Variants in EFNA1 observed in about 807,000 individuals in gnomAD.
EFNA1 encodes the protein ephrin-A1.
EFNA1 carries 8 observed loss-of-function variants against 23.2 expected under a neutral mutation model. That is an observed-to-expected ratio of 0.34 (90% CI 0.20 to 0.62). The LOEUF is 0.62. Ranked by LOEUF, EFNA1 falls within the 20% of genes least tolerant of loss-of-function variation. The probability of loss-of-function intolerance (pLI) is 0.75; values close to 1 mark genes in which losing one functional copy is unlikely to be tolerated. For missense variants in EFNA1, 217 were observed against 260.0 expected (o/e 0.83, Z 1.14); for synonymous variants, 89 against 98.6 (o/e 0.90, Z 0.58).
In EFNA1 at chr1:155,133,784, G is replaced by C; in HGVS notation, c.505+4G>C. On this transcript the variant is annotated splice_donor_region_variant and intron_variant, in intron 4 of 4. Coordinates refer to ENST00000368407, the MANE Select transcript of EFNA1 (RefSeq NM_004428.3). The stretch of plus-strand genomic sequence containing the variant: ...CAGGAGAAGAGACTTGCAGCAGGTG[G>C]GTAGCTGGAGCAAACTGGGCCTGGG... The C allele has an allele frequency of 6.2e-7, 1 of 1,614,108 alleles. No individual in the cohort carries two copies. The highest frequency in any genetic ancestry group is 8.5e-7 in the Non-Finnish European group (1 of 1,180,010).
intron 1 of EFNA1, among the ~76,000 whole-genome samples, chr1:155,128,846 G>A (rs1440818782): frequency 1.3e-5 from 2 of 152,146 alleles, no homozygotes; most frequent in Non-Finnish European, 2.9e-5. Context: ...AGACTCTGTC[G>A]GCCCCTTTGT....
chr1:155,133,835 G>A (rs1480745294), intron 4 of EFNA1, 55 bp downstream of exon 4: 17 of 1,610,942 alleles, frequency 1.1e-5, no homozygotes, highest in Admixed American at 1.7e-5. Flanking sequence ...TGCTTGAAGA[G>A]GTTGGGTACA....
intron 2 of EFNA1, among the ~76,000 whole-genome samples, chr1:155,132,665 T>TA (rs1425212465): frequency 2.6e-5 from 4 of 151,326 alleles, no homozygotes; most frequent in African/African-American, 9.7e-5. Flanking sequence ...CCAACTCTAC[T>TA]AAAAAAATAC....
chr1:155,131,139 T>C, intron 1 of EFNA1, 200 bp from the exon 2 acceptor site: 1 of 1,363,710 alleles, frequency 7.3e-7, no homozygotes, highest in Admixed American at 3.0e-5. Context: ...CAGGAGACAG[T>C]GATGGTGCAG....
chr1:155,128,988 C>T (rs899108785), intron 1 of EFNA1, among the ~76,000 whole-genome samples: 1 of 152,110 alleles, frequency 6.6e-6, no homozygotes, highest in Non-Finnish European at 1.5e-5. Flanking sequence ...TAGCCACTCT[C>T]GGCCCTAGCA....
intron 2 of EFNA1, among the ~76,000 whole-genome samples, chr1:155,132,910 G>GTT (rs1220464097): frequency 9.6e-6 from 1 of 104,408 alleles, no homozygotes; most frequent in Admixed American, 1.1e-4. Context: ...AGTAGTTTTT[G>GTT]TTTTTTTGTT....
chr1:155,134,349 C>G lies in EFNA1; in HGVS notation c.*282C>G. ...CATTCCTGCCTTTAAGCCAAAGAAA[C>G]AAGCTGTGCAGGCATGGTCCCTTAA... is the stretch of plus-strand genomic sequence containing the variant. On this transcript the variant is annotated 3_prime_UTR_variant, in exon 5 of 5. Coordinates refer to ENST00000368407, the MANE Select transcript of EFNA1 (RefSeq NM_004428.3). 1 of 483,080 alleles carries G rather than the reference C, an allele frequency of 2.1e-6. No individual in the cohort carries two copies. Among genetic ancestry groups the G allele is most frequent in the East Asian group, 4.1e-5 (1 of 24,636 alleles). The allele number at this position is 483,080 out of a possible 1,614,324, so 29.9% of individuals were successfully genotyped here. A position where few individuals can be genotyped will look rare whatever the true frequency, so the allele number is the denominator to read the frequency against.
chr1:155,131,736 C>A (rs1030687402), intron 2 of EFNA1, 102 bp downstream of exon 2: 21 of 1,285,584 alleles, frequency 1.6e-5, no homozygotes, highest in Non-Finnish European at 2.0e-5. Flanking sequence ...GGGCCCCTTC[C>A]GATCTTGAAT....
intron 2 of EFNA1, among the ~76,000 whole-genome samples, chr1:155,133,059 T>G (rs1476946657): frequency 3.9e-5 from 6 of 152,060 alleles, no homozygotes. Flanking sequence ...TACAGGCATG[T>G]GCCACCATGC....
Position 155,134,703 on chromosome 1 carries a change from C to T in EFNA1, c.*636C>T. On this transcript the variant is annotated 3_prime_UTR_variant, in exon 5 of 5. Coordinates refer to ENST00000368407, the MANE Select transcript of EFNA1 (RefSeq NM_004428.3). ...AGAGTGTAGCTGTAAGGGCAGTGCC[C>T]ATGTGTACATTCTGCCTAGAGTGTA... 6.1e-6 allele frequency: 1 copy of T among 164,080 alleles called. No homozygotes were observed. Among genetic ancestry groups the T allele is most frequent in the South Asian group, 1.4e-4 (1 of 6,900 alleles). 10.2% of individuals were successfully genotyped at this position (164,080 alleles called of 1,614,324 possible).
intron 2 of EFNA1, 114 bp from the exon 3 acceptor site, chr1:155,133,389 G>A: frequency 8.4e-7 from 1 of 1,187,092 alleles, no homozygotes; most frequent in Non-Finnish European, 1.2e-6. Context: ...AGGTTAGAGG[G>A]AAGAGAAGAA....
Position 155,133,584 on chromosome 1 carries a change from C to T in EFNA1, c.454+16C>T. 6.2e-7 allele frequency: 1 copy of T among 1,613,770 alleles called. No individual in the cohort carries two copies. The highest frequency in any genetic ancestry group is 8.5e-7 in the Non-Finnish European group (1 of 1,179,866). On this transcript the variant is annotated intron_variant, in intron 3 of 4. Coordinates refer to ENST00000368407, the MANE Select transcript of EFNA1 (RefSeq NM_004428.3). ...GGCAAAATCAGTGAGTGTCAGAGCC[C>T]TGTGGGCCTCCTTCCTCCATCTCTA... is the stretch of plus-strand genomic sequence containing the variant.
chr1:155,130,479 G>GGAGAGGGGGA, intron 1 of EFNA1: 1 of 977,594 alleles, frequency 1.0e-6, no homozygotes, highest in Non-Finnish European at 1.2e-6. Flanking sequence ...GGAGAGGAGG[G>GGAGAGGGGGA]GAGAGGGGGA....
intron 1 of EFNA1, among the ~76,000 whole-genome samples, 169 bp downstream of exon 1, chr1:155,128,238 C>T (rs1483259546): frequency 6.6e-6 from 1 of 152,190 alleles, no homozygotes; most frequent in Non-Finnish European, 1.5e-5. Flanking sequence ...GAGCACCCCA[C>T]CCCGGGGCAT....
chr1:155,131,683 A>ATACATGCTTGGG, intron 2 of EFNA1, 49 bp downstream of exon 2: 1 of 1,578,876 alleles, frequency 6.3e-7, no homozygotes, highest in Non-Finnish European at 8.6e-7. Context: ...TTGCCATTAC[A>ATACATGCTTGGG]TACATGCTTG....
At position 155,131,500 on chromosome 1, in the gene EFNA1, A is replaced by G; in HGVS notation, c.254A>G (p.Lys85Arg). 1 of 1,613,674 alleles carries G rather than the reference A, an allele frequency of 6.2e-7. No homozygotes were observed. The highest frequency in any genetic ancestry group is 2.2e-5 in the East Asian group (1 of 44,880). Residue 85 changes from lysine to arginine, a missense_variant, in exon 2 of 5, where the codon AAG becomes AGG. By Grantham distance (26) the Lys-to-Arg change is conservative. Transcript: ENST00000368407. Reference sequence around the variant, plus strand: ...TACCAGCTGTGCCAGCCCCAGTCCAAGGACCAAGTCCGCTGGCAGTGCAAC... The same window carrying G: ...TACCAGCTGTGCCAGCCCCAGTCCAGGGACCAAGTCCGCTGGCAGTGCAAC... Reference protein sequence around the residue: ...EEYQLCQPQSKDQVRWQCNRP... With the variant: ...EEYQLCQPQSRDQVRWQCNRP...
intron 1 of EFNA1, among the ~76,000 whole-genome samples, chr1:155,129,378 G>A (rs1664170527): frequency 6.6e-6 from 1 of 152,094 alleles, no homozygotes; most frequent in African/African-American, 2.4e-5. Context: ...TCAGGAAGGA[G>A]CCTCTTCCTT....
At chr1:155,130,056 CCT>C (rs1178039811) in intron 1 of EFNA1, among the ~76,000 whole-genome samples, 3 of 152,214 alleles carry the variant, frequency 2.0e-5, no homozygotes, top group Non-Finnish European at 4.4e-5. Flanking sequence ...TCTCTCTGCT[CCT>C]CTCTTTTCCC....
chr1:155,132,251 A>T (rs969950098), intron 2 of EFNA1, among the ~76,000 whole-genome samples: 2 of 151,778 alleles, frequency 1.3e-5, no homozygotes, highest in African/African-American at 2.4e-5. Context: ...TTATTTTATT[A>T]TTATTATTAC....
Sources: gnomAD v4.1 joint callset for allele counts (sites outside exome capture counted in the v4.1 genomes callset) on GRCh38, gnomAD v4.1.1 for gene constraint, MANE v1.5 for transcripts, NCBI Gene and HGNC (gene_info 2026-07-23, HGNC 2026-07-21) for gene names.